The following USP6NL variants were observed in gnomAD, a reference collection of about 807,000 sequenced individuals.
The protein encoded by USP6NL is USP6 N-terminal-like protein.
Under a neutral mutation model 61.9 loss-of-function variants are expected in USP6NL, and 26 were observed. That is an observed-to-expected ratio of 0.42 (90% CI 0.31 to 0.58). The LOEUF is 0.58. Among genes scored for constraint, USP6NL ranks in the 20% least tolerant of loss-of-function variants. The probability of loss-of-function intolerance (pLI) is 0.16; values close to 1 mark genes in which losing one functional copy is unlikely to be tolerated. For missense variants in USP6NL, 1,114 were observed against 1,034.3 expected, an observed-to-expected ratio of 1.08 and a Z score of -1.06; for synonymous variants, 432 against 390.1, an observed-to-expected ratio of 1.11 and a Z score of -1.27.
At chr10:11,466,242 C>A (rs1416594948) in intron 14 of USP6NL, among the ~76,000 whole-genome samples, 1 of 152,132 alleles carries the variant, frequency 6.6e-6, no homozygotes, top group Non-Finnish European at 1.5e-5. Context: ...GTGTGGTAAC[C>A]CAGAATTTAA....
intron 2 of USP6NL, among the ~76,000 whole-genome samples, chr10:11,569,741 C>T (rs1231741555): frequency 6.6e-6 from 1 of 152,194 alleles, no homozygotes; most frequent in African/African-American, 2.4e-5. Flanking sequence ...TTCAGTGATA[C>T]AGCCAGAAAT....
chr10:11,595,856 G>A lies in USP6NL; in HGVS notation c.4+1775C>T, dbSNP rs936632437. The stretch of plus-strand genomic sequence containing the variant: ...AAAATAACAGAACCAATTGTTTTAA[G>A]TGGACATGAAAAAGAATTAGTGGAT... On this transcript the variant is annotated intron_variant, in intron 2 of 14. Transcript: ENST00000609104. The surrounding 1 kb of genome is among the most constrained non-coding windows in gnomAD (Gnocchi z 5.3). 2.0e-5 allele frequency among the ~76,000 whole-genome samples: 3 copies of A among 152,184 alleles called. No homozygotes were observed. The highest frequency in any genetic ancestry group is 6.5e-5 in the Admixed American group (1 of 15,280).
At chr10:11,586,686 G>A (rs1036923232) in intron 2 of USP6NL, among the ~76,000 whole-genome samples, 2 of 152,054 alleles carry the variant, frequency 1.3e-5, no homozygotes, top group Admixed American at 6.6e-5. Context: ...TTATTTTAAT[G>A]TTGTGGTTAA....
At chr10:11,533,489 G>C (rs762228124) in intron 2 of USP6NL, among the ~76,000 whole-genome samples, 3 of 152,198 alleles carry the variant, frequency 2.0e-5, no homozygotes, top group African/African-American at 7.2e-5. Flanking sequence ...CATCATGCAA[G>C]TGGGTCCAGT....
At position 11,592,528 on chromosome 10, in the gene USP6NL, T is replaced by C. The variant is rs1838187450; in HGVS notation, c.4+5103A>G. Reference sequence around the variant, plus strand: ...CTTTATATTCCCAAATCTAAATTTATCAAACATAAATGAGTCTTAATATAA... The same window carrying C: ...CTTTATATTCCCAAATCTAAATTTACCAAACATAAATGAGTCTTAATATAA... On this transcript the variant is annotated intron_variant, in intron 2 of 14. Transcript: ENST00000609104. This position sits in a 1 kb window ranked among gnomAD's most constrained non-coding sequence, Gnocchi z 4.7. Among the ~76,000 whole-genome samples, 1 of 152,232 alleles carries C rather than the reference T, an allele frequency of 6.6e-6. No homozygotes were observed. The highest frequency in any genetic ancestry group is 1.5e-5 in the Non-Finnish European group (1 of 68,044).
At position 11,494,902 on chromosome 10, in the gene USP6NL, G is replaced by C. The variant is rs556036841; in HGVS notation, c.385-1674C>G. On this transcript the variant is annotated intron_variant, in intron 7 of 14. Coordinates refer to ENST00000609104, the MANE Select transcript of USP6NL (RefSeq NM_014688.5). The stretch of plus-strand genomic sequence containing the variant: ...CCGAAGCACAGCATCACAGGGAGAC[G>C]GTTAGGCCTCCGGATAACTGCAGGC... Among the ~76,000 whole-genome samples the C allele has an allele frequency of 6.7e-3, 1,020 of 152,230 alleles. 5 individuals are homozygous for C. The highest frequency in any genetic ancestry group is 1.0e-2 in the Non-Finnish European group (680 of 68,010).
At chr10:11,554,949 G>GCC (rs1044405264) in intron 2 of USP6NL, among the ~76,000 whole-genome samples, 2 of 131,650 alleles carry the variant, frequency 1.5e-5, no homozygotes, top group Admixed American at 8.0e-5. Context: ...ACAGGTGCCT[G>GCC]CCACCATGCC....
Position 11,487,289 on chromosome 10 carries a change from A to G in USP6NL, c.665-1378T>C, listed in dbSNP as rs907241999. ...CATTTATAAGTGAAACCACCTTCAC[A>G]CTAGAAAGTAACCTTTAGTTATAAA... On this transcript the variant is annotated intron_variant, in intron 10 of 14. Coordinates refer to ENST00000609104, the MANE Select transcript of USP6NL (RefSeq NM_014688.5). This position sits in a 1 kb window ranked among gnomAD's most constrained non-coding sequence, Gnocchi z 4.2. Among the ~76,000 whole-genome samples, 7 of 152,226 alleles carry G rather than the reference A, an allele frequency of 4.6e-5. No individual in the cohort carries two copies. The highest frequency in any genetic ancestry group is 1.4e-4 in the African/African-American group (6 of 41,462).
chr10:11,542,727 GTAA>G (rs1836116234), intron 2 of USP6NL, among the ~76,000 whole-genome samples: 1 of 152,016 alleles, frequency 6.6e-6, no homozygotes, highest in South Asian at 2.1e-4. Flanking sequence ...TCAAAAAACA[GTAA>G]TAATAAAACA....
rs550307956 is a variant in USP6NL at position 11,589,409 on chromosome 10, A to G, written c.4+8222T>C. ...GGTTCCTCCTCCCCTAATCCAGAAC[A>G]CTTCACACATGACCTACATCTACAT... On this transcript the variant is annotated intron_variant, in intron 2 of 14. Coordinates refer to ENST00000609104, the MANE Select transcript of USP6NL (RefSeq NM_014688.5). The surrounding 1 kb of genome is among the most constrained non-coding windows in gnomAD (Gnocchi z 4.7). Among the ~76,000 whole-genome samples, 1 of 152,208 alleles carries G rather than the reference A, an allele frequency of 6.6e-6. No individual in the cohort carries two copies. Among genetic ancestry groups the G allele is most frequent in the African/African-American group, 2.4e-5 (1 of 41,454 alleles).
chr10:11,479,387 G>GTT (rs1404328518), intron 14 of USP6NL, among the ~76,000 whole-genome samples: 1 of 152,074 alleles, frequency 6.6e-6, no homozygotes, highest in Non-Finnish European at 1.5e-5. Context: ...GATACTCAAA[G>GTT]AACTACCAAT....
chr10:11,513,298 C>A lies in USP6NL; in HGVS notation c.196-3623G>T, dbSNP rs1178257653. Among the ~76,000 whole-genome samples the A allele has an allele frequency of 2.0e-5, 3 of 152,106 alleles. No homozygotes were observed. The highest frequency in any genetic ancestry group is 7.2e-5 in the African/African-American group (3 of 41,418). On this transcript the variant is annotated intron_variant, in intron 5 of 14. Coordinates refer to ENST00000609104, the MANE Select transcript of USP6NL (RefSeq NM_014688.5). This position sits in a 1 kb window ranked among gnomAD's most constrained non-coding sequence, Gnocchi z 4.7. ...GTGATCACTGTAATACAGAAGTAAC[C>A]AGAAGTTAATAATATCCCGTATGTG...
chr10:11,495,006 T>C lies in USP6NL; in HGVS notation c.385-1778A>G, dbSNP rs913167924. 7.2e-5 allele frequency among the ~76,000 whole-genome samples: 11 copies of C among 152,028 alleles called. No individual in the cohort carries two copies. The highest frequency in any genetic ancestry group is 2.7e-4 in the African/African-American group (11 of 41,392). On this transcript the variant is annotated intron_variant, in intron 7 of 14. Transcript: ENST00000609104. This position sits in a 1 kb window ranked among gnomAD's most constrained non-coding sequence, Gnocchi z 4.6. The stretch of plus-strand genomic sequence containing the variant: ...TAAACTCCCCCGGGGAAAGGGAGAC[T>C]CCCTTTCCCTCTGCTAAGTAGCCGG...
chr10:11,607,184 T>C (rs543321811), intron 1 of USP6NL, among the ~76,000 whole-genome samples: 111 of 152,330 alleles, frequency 7.3e-4, no homozygotes, highest in Middle Eastern at 6.8e-3. Flanking sequence ...AAAAAACACC[T>C]AGCTCATACA....
Position 11,481,788 on chromosome 10 carries a change from A to C in USP6NL, c.1060T>G (p.Leu354Val). 1 of 1,612,392 alleles carries C rather than the reference A, an allele frequency of 6.2e-7. No homozygotes were observed. Among genetic ancestry groups the C allele is most frequent in the Non-Finnish European group, 8.5e-7 (1 of 1,179,360 alleles). Residue 354 changes from leucine (L) to valine (V), a missense_variant, in exon 14 of 15, where the codon TTA becomes GTA. Physicochemically the swap from Leu to Val is conservative, Grantham distance 32. Transcript: ENST00000609104. The surrounding 1 kb of genome is among the most constrained non-coding windows in gnomAD (Gnocchi z 4.4). ...ISMTELKRAKLDLPEPGKEDE... is the reference protein window; with the variant it reads ...ISMTELKRAKVDLPEPGKEDE... ...TTCTTACCAGGTTCTGGAAGGTCTA[A>C]CTTTGCCCGCTTTAGTTCTGTCATA... is the stretch of plus-strand genomic sequence containing the variant.
intron 2 of USP6NL, among the ~76,000 whole-genome samples, chr10:11,588,433 T>C (rs983460349): frequency 6.6e-6 from 1 of 152,210 alleles, no homozygotes; most frequent in Non-Finnish European, 1.5e-5. Context: ...AAAAGGAGCA[T>C]GATACATGCA....
intron 7 of USP6NL, among the ~76,000 whole-genome samples, chr10:11,493,834 T>C (rs1397109085): frequency 6.8e-6 from 1 of 147,488 alleles, no homozygotes; most frequent in Non-Finnish European, 1.5e-5. Flanking sequence ...TACGGCCTGA[T>C]CTCTGGGCCT....
rs538360589 is a variant in USP6NL at position 11,578,049 on chromosome 10, TC to T, written c.4+19581del. ...CACAATCCTCACTGCAACCTCTGCCTCCCAGGCTCAAGTGATCCTCCCACCT... is the reference window on the plus strand; with the variant it reads ...CACAATCCTCACTGCAACCTCTGCCTCCAGGCTCAAGTGATCCTCCCACCT... On this transcript the variant is annotated intron_variant, in intron 2 of 14. Coordinates refer to ENST00000609104, the MANE Select transcript of USP6NL (RefSeq NM_014688.5). Among the ~76,000 whole-genome samples, 353 of 152,284 alleles carry T rather than the reference TC, an allele frequency of 2.3e-3. 1 individual carries two copies. The highest frequency in any genetic ancestry group is 8.2e-3 in the African/African-American group (341 of 41,572).
intron 2 of USP6NL, among the ~76,000 whole-genome samples, chr10:11,533,439 T>C (rs1432584595): frequency 6.6e-6 from 1 of 152,198 alleles, no homozygotes; most frequent in Admixed American, 6.5e-5. Flanking sequence ...TGATTACAGA[T>C]GTAATTCAGC....
Sources: allele counts gnomAD v4.1 joint callset (sites outside exome capture counted in the v4.1 genomes callset), GRCh38; gene constraint gnomAD v4.1.1; non-coding constraint Gnocchi (gnomAD v3.1); transcripts MANE v1.5; gene names NCBI Gene and HGNC (gene_info 2026-07-23, HGNC 2026-07-21).